CAMTA1: variants seen among roughly 807,000 people sequenced by gnomAD.
CAMTA1 encodes the protein calmodulin binding transcription activator 1.
In CAMTA1, 27 loss-of-function variants were observed where a neutral mutation model predicts 170.9. That is an observed-to-expected ratio of 0.16 (90% CI 0.12 to 0.22). The LOEUF (loss-of-function observed/expected upper bound fraction) is 0.22. Among genes scored for constraint, CAMTA1 ranks in the 10% least tolerant of loss-of-function variants. The pLI, the probability that CAMTA1 is intolerant of heterozygous loss-of-function variation, is 1.00. For synonymous variants in CAMTA1, 833 were observed against 891.5 expected (o/e 0.93, Z 1.17); for missense variants, 1,619 against 2,217.2 (o/e 0.73, Z 5.42).
intron 3 of CAMTA1, among the ~76,000 whole-genome samples, chr1:7,055,933 A>C (rs976734683): frequency 1.1e-4 from 17 of 152,218 alleles, no homozygotes; most frequent in Non-Finnish European, 1.9e-4. Flanking sequence ...CTTCCTCTGC[A>C]CAAGGAGGGC....
chr1:7,524,847 C>T (rs1470317696), intron 6 of CAMTA1, among the ~76,000 whole-genome samples: 1 of 152,110 alleles, frequency 6.6e-6, no homozygotes, highest in African/African-American at 2.4e-5. Context: ...CAATCCTGTC[C>T]TCTACCCCAC....
rs561577179 is a variant in CAMTA1, at chr1:7,557,847, G to T, written c.511-82553G>T. 3.2e-3 allele frequency among the ~76,000 whole-genome samples: 493 copies of T among 152,340 alleles called. 4 individuals are homozygous for T. Among genetic ancestry groups the T allele is most frequent in the Non-Finnish European group, 4.2e-3 (286 of 68,030 alleles). ...CTCGGGATCTGGGGTGACCGCAAGG[G>T]TCTTCTCTGGGAGCATCTGAGTGGA... is the stretch of plus-strand genomic sequence containing the variant. On this transcript the variant is annotated intron_variant, in intron 6 of 22. Transcript: ENST00000303635.
chr1:6,787,875 A>G (rs1199743835), intron 1 of CAMTA1, among the ~76,000 whole-genome samples: 2 of 152,210 alleles, frequency 1.3e-5, no homozygotes, highest in African/African-American at 2.4e-5. Context: ...ACTGCAGTGT[A>G]GGGGAAAGAG....
intron 4 of CAMTA1, among the ~76,000 whole-genome samples, chr1:7,215,370 C>T (rs1558258351): frequency 1.3e-5 from 2 of 152,148 alleles, no homozygotes; most frequent in Non-Finnish European, 2.9e-5. Flanking sequence ...TTAAATATGT[C>T]TCATAAATTC....
intron 3 of CAMTA1, among the ~76,000 whole-genome samples, chr1:7,059,356 G>A (rs537817980): frequency 2.6e-5 from 4 of 152,306 alleles, no homozygotes; most frequent in South Asian, 4.1e-4. Flanking sequence ...GGTGGCTCAC[G>A]CCTATAATCT....
At chr1:6,903,757 A>C (rs1228221876) in intron 3 of CAMTA1, among the ~76,000 whole-genome samples, 1 of 152,134 alleles carries the variant, frequency 6.6e-6, no homozygotes, top group Non-Finnish European at 1.5e-5. Flanking sequence ...TTAAGGGGCA[A>C]CTCCTTCCAG....
intron 6 of CAMTA1, among the ~76,000 whole-genome samples, chr1:7,484,487 C>T (rs1392442764): frequency 6.6e-6 from 1 of 152,178 alleles, no homozygotes; most frequent in Non-Finnish European, 1.5e-5. Flanking sequence ...GGACATAGAC[C>T]AGCATTCAGA....
intron 1 of CAMTA1, among the ~76,000 whole-genome samples, chr1:6,788,947 C>G (rs1640223713): frequency 6.6e-6 from 1 of 152,202 alleles, no homozygotes. Context: ...GACGGGTTCT[C>G]TGAACCACAT....
chr1:7,591,081 G>A (rs2095351994), intron 6 of CAMTA1, among the ~76,000 whole-genome samples: 1 of 152,152 alleles, frequency 6.6e-6, no homozygotes, highest in African/African-American at 2.4e-5. Context: ...AATGGGAAGA[G>A]TAACCTGGGA....
rs1558092662 is a variant in CAMTA1 at position 7,668,410 on chromosome 1, C to CACACACACAT, written c.2653-2492_2653-2491insTACACACACA. 1.7e-3 allele frequency among the ~76,000 whole-genome samples: 242 copies of CACACACACAT among 144,866 alleles called. 2 individuals are homozygous for CACACACACAT. Among genetic ancestry groups the CACACACACAT allele is most frequent in the African/African-American group, 6.2e-3 (231 of 37,106 alleles). On this transcript the variant is annotated intron_variant, in intron 9 of 22. Transcript: ENST00000303635. Reference sequence around the variant, plus strand: ...ACCAACACACACACACACACACACACACACACACACACACACACACACCCA... The same window carrying CACACACACAT: ...ACCAACACACACACACACACACACACACACACACATACACACACACACACACACACACCCA...
chr1:6,880,079 T>A (rs1671081941), intron 3 of CAMTA1, among the ~76,000 whole-genome samples: 2 of 151,734 alleles, frequency 1.3e-5, no homozygotes, highest in South Asian at 2.1e-4. Flanking sequence ...TTTTAAATTT[T>A]ATTTATTTTT....
chr1:7,386,363 T>C (rs540075277), intron 5 of CAMTA1, among the ~76,000 whole-genome samples: 7 of 152,302 alleles, frequency 4.6e-5, no homozygotes, highest in Admixed American at 3.9e-4. Context: ...AGAGATGCAG[T>C]GTCCGGAAGA....
intron 5 of CAMTA1, among the ~76,000 whole-genome samples, chr1:7,315,678 A>G (rs544687938): frequency 1.3e-5 from 2 of 152,362 alleles, no homozygotes; most frequent in East Asian, 1.9e-4. Flanking sequence ...ATAGTTCTGG[A>G]GTCCAAAAAT....
At chr1:7,128,815 C>T (rs966112286) in intron 4 of CAMTA1, among the ~76,000 whole-genome samples, 5 of 146,998 alleles carry the variant, frequency 3.4e-5, no homozygotes, top group African/African-American at 1.3e-4. Context: ...CCACCACACC[C>T]GATTAGCTCC....
rs570984492 is a variant in CAMTA1, at chr1:7,325,006, C to T, written c.438+75380C>T. Reference sequence around the variant, plus strand: ...TACTAATGTGTTCTTTCTGTGAAGACGTTGATTATATCTTGATTTTCTATA... The same window carrying T: ...TACTAATGTGTTCTTTCTGTGAAGATGTTGATTATATCTTGATTTTCTATA... On this transcript the variant is annotated intron_variant, in intron 5 of 22. Transcript: ENST00000303635. The surrounding 1 kb of genome is among the most constrained non-coding windows in gnomAD (Gnocchi z 5.0). Among the ~76,000 whole-genome samples, 19 of 152,246 alleles carry T rather than the reference C, an allele frequency of 1.2e-4. No individual in the cohort carries two copies. Among genetic ancestry groups the T allele is most frequent in the African/African-American group, 4.3e-4 (18 of 41,530 alleles).
At chr1:7,133,009 T>G (rs1645350033) in intron 4 of CAMTA1, among the ~76,000 whole-genome samples, 1 of 152,238 alleles carries the variant, frequency 6.6e-6, no homozygotes, top group East Asian at 1.9e-4. Flanking sequence ...CTTTTAAATA[T>G]TTTAACATAT....
In CAMTA1 at chr1:7,439,213, C is replaced by T. The variant is rs2092444892; in HGVS notation, c.439-28617C>T. Among the ~76,000 whole-genome samples, 2 of 152,182 alleles carry T rather than the reference C, an allele frequency of 1.3e-5. 1 individual carries two copies. Among genetic ancestry groups the T allele is most frequent in the African/African-American group, 4.8e-5 (2 of 41,440 alleles). On this transcript the variant is annotated intron_variant, in intron 5 of 22. Transcript: ENST00000303635. ...GACTGGACACAGGTGGGACAGGCTC[C>T]CCATTTCTGTCATACTGCTTTCTGC... is the stretch of plus-strand genomic sequence containing the variant.
At chr1:7,538,660 CAA>C (rs201637267) in intron 6 of CAMTA1, among the ~76,000 whole-genome samples, 1 of 150,956 alleles carries the variant, frequency 6.6e-6, no homozygotes, top group Non-Finnish European at 1.5e-5. Flanking sequence ...TGTCTCTCAA[CAA>C]AAAAAAATGA....
At chr1:7,185,629 C>T (rs779762947) in intron 4 of CAMTA1, among the ~76,000 whole-genome samples, 4 of 152,186 alleles carry the variant, frequency 2.6e-5, no homozygotes, top group Non-Finnish European at 5.9e-5. Context: ...ATAGCAGACA[C>T]TACCTGAATC....
Sources: allele counts gnomAD v4.1 joint callset (sites outside exome capture counted in the v4.1 genomes callset), GRCh38; gene constraint gnomAD v4.1.1; non-coding constraint Gnocchi (gnomAD v3.1); transcripts MANE v1.5; gene names NCBI Gene and HGNC (gene_info 2026-07-23, HGNC 2026-07-21).